PPP4R4: variants seen among roughly 807,000 people sequenced by gnomAD.
The protein encoded by PPP4R4 is serine/threonine-protein phosphatase 4 regulatory subunit 4.
In PPP4R4, 70 loss-of-function variants were observed where a neutral mutation model predicts 121.8. The ratio of observed to expected loss-of-function variants is 0.57; its 90% confidence interval spans 0.47 to 0.70. The LOEUF (loss-of-function observed/expected upper bound fraction) is 0.70. PPP4R4 is among the 30% of genes least tolerant of loss of function. The pLI is 0.00. For synonymous variants in PPP4R4, 348 were observed against 355.7 expected (o/e 0.98, Z 0.24); for missense variants, 875 against 1,033.6 (o/e 0.85, Z 2.10).
At position 94,249,078 on chromosome 14, in the gene PPP4R4, A is replaced by G. The variant is rs891572203; in HGVS notation, c.1612-1094A>G. Among the ~76,000 whole-genome samples, 4 of 151,986 alleles carry G rather than the reference A, an allele frequency of 2.6e-5. No homozygotes were observed. In the South Asian group the frequency reaches 6.2e-4, roughly 24 times the overall value. On this transcript the variant is annotated intron_variant, in intron 14 of 24. Coordinates refer to ENST00000304338, the MANE Select transcript of PPP4R4 (RefSeq NM_058237.2). ...AATACCTTATGCCATAAACTATAAT[A>G]TATATTTTATATGAGGTACAAAATA...
intron 23 of PPP4R4, among the ~76,000 whole-genome samples, chr14:94,270,385 T>C (rs190203606): frequency 6.6e-6 from 1 of 152,338 alleles, no homozygotes; most frequent in Admixed American, 6.5e-5. Context: ...AAGCTGATTC[T>C]AAAAATCTGT....
rs1169388324 is a variant in PPP4R4 at position 94,175,850 on chromosome 14, TC to T, written c.118-200del. 5 of 571,138 alleles carry T rather than the reference TC, an allele frequency of 8.8e-6. No individual in the cohort carries two copies. The African/African-American group carries it at 9.3e-5, about 11-fold the overall frequency. The allele number at this position is 571,138 out of a possible 1,614,324, so 35.4% of individuals were successfully genotyped here. On this transcript the variant is annotated intron_variant, in intron 1 of 24. Coordinates refer to ENST00000304338, the MANE Select transcript of PPP4R4 (RefSeq NM_058237.2). ...ATAAAAACAGAAAAATACAGCCCCC[TC>T]CCCAAACTCCCCAAACCACCCAATT...
At chr14:94,222,575 C>CTTTT (rs71129676) in intron 3 of PPP4R4, among the ~76,000 whole-genome samples, 2 of 145,440 alleles carry the variant, frequency 1.4e-5, no homozygotes, top group Non-Finnish European at 3.0e-5. Context: ...CATTTGGAAT[C>CTTTT]TTTTTTTTTT....
chr14:94,181,110 G>T (rs1888960619), intron 2 of PPP4R4, among the ~76,000 whole-genome samples: 1 of 152,084 alleles, frequency 6.6e-6, no homozygotes, highest in Admixed American at 6.6e-5. Context: ...AAACTCCTTT[G>T]AATGCCCTCC....
chr14:94,264,166 T>C (rs1193041418), intron 19 of PPP4R4, among the ~76,000 whole-genome samples: 2 of 152,198 alleles, frequency 1.3e-5, no homozygotes, highest in Admixed American at 6.5e-5. Context: ...TATGTATATT[T>C]GAGATGGAGT....
At chr14:94,241,653 CTTTTA>C in intron 9 of PPP4R4, 130 bp from the exon 10 acceptor site, 1 of 650,888 alleles carries the variant, frequency 1.5e-6, no homozygotes, top group East Asian at 3.0e-5. Context: ...TTTCATGTTC[CTTTTA>C]TTTATAAAGT....
At chr14:94,208,375 C>T (rs1271284) in intron 2 of PPP4R4, 89 bp from the exon 3 acceptor site, 1 of 880,688 alleles carries the variant, frequency 1.1e-6, no homozygotes, top group Non-Finnish European at 1.6e-6. Flanking sequence ...TCAAAGCAGT[C>T]ATTTTTCCAA....
At chr14:94,207,224 T>C (rs1890504457) in intron 2 of PPP4R4, among the ~76,000 whole-genome samples, 1 of 152,062 alleles carries the variant, frequency 6.6e-6, no homozygotes, top group Non-Finnish European at 1.5e-5. Context: ...AGTATTTTTC[T>C]GTGCAACTTT....
intron 2 of PPP4R4, among the ~76,000 whole-genome samples, chr14:94,182,745 C>G (rs555240345): frequency 6.6e-6 from 1 of 152,214 alleles, no homozygotes; most frequent in East Asian, 1.9e-4. Flanking sequence ...ATGTACAAGT[C>G]TCTTGGTGAA....
chr14:94,241,638 A>T, intron 9 of PPP4R4, 150 bp from the exon 10 acceptor site: 2 of 584,988 alleles, frequency 3.4e-6, no homozygotes, highest in East Asian at 3.1e-5. Flanking sequence ...CCTAACAGAT[A>T]CTCTTTTCAT....
chr14:94,187,576 A>T (rs531457402), intron 2 of PPP4R4, among the ~76,000 whole-genome samples: 146 of 152,196 alleles, frequency 9.6e-4, no homozygotes, highest in Middle Eastern at 3.4e-3. Flanking sequence ...ATTAACATTG[A>T]TACATCACTC....
chr14:94,227,160 C>G, intron 3 of PPP4R4: 1 of 725,462 alleles, frequency 1.4e-6, no homozygotes, highest in Non-Finnish European at 2.2e-6. Context: ...CTCTTAATGT[C>G]TCATTTCATT....
At chr14:94,179,397 G>T (rs926649448) in intron 2 of PPP4R4, among the ~76,000 whole-genome samples, 1 of 152,202 alleles carries the variant, frequency 6.6e-6, no homozygotes, top group Non-Finnish European at 1.5e-5. Flanking sequence ...GCAGCTATCA[G>T]TAGTTTATTC....
chr14:94,208,558 A>G lies in PPP4R4; in HGVS notation c.286A>G (p.Lys96Glu). Residue 96 changes from lysine (K) to glutamate (E), a missense_variant, in exon 3 of 25, where the codon AAA becomes GAA. Physicochemically the swap from Lys to Glu is moderately conservative, Grantham distance 56. Transcript: ENST00000304338. ...PTETLRRVLPKVREALHVAGV... is the reference protein window; with the variant it reads ...PTETLRRVLPEVREALHVAGV... The stretch of plus-strand genomic sequence containing the variant: ...TGAGACGCTTCGGAGAGTGTTGCCA[A>G]AAGTCAGAGTAAGTTGGTATGAAAT... The G allele has an allele frequency of 6.2e-7, 1 of 1,603,734 alleles. No individual in the cohort carries two copies.
intron 23 of PPP4R4, among the ~76,000 whole-genome samples, chr14:94,271,232 AC>A (rs1566706885): frequency 1.3e-5 from 2 of 152,220 alleles, no homozygotes; most frequent in African/African-American, 4.8e-5. Flanking sequence ...ATACATACCA[AC>A]ATCTCTCAAG....
chr14:94,212,426 A>G (rs1418196301), intron 3 of PPP4R4, among the ~76,000 whole-genome samples: 1 of 152,164 alleles, frequency 6.6e-6, no homozygotes, highest in Non-Finnish European at 1.5e-5. Flanking sequence ...AAGCCAATCC[A>G]TAGTATTTCC....
chr14:94,257,146 G>A (rs888401128), intron 17 of PPP4R4, among the ~76,000 whole-genome samples: 7 of 152,046 alleles, frequency 4.6e-5, no homozygotes, highest in African/African-American at 1.7e-4. Context: ...TGTAAATAAT[G>A]TAACATTGTA....
At chr14:94,251,410 C>T (rs770156838) in intron 15 of PPP4R4, among the ~76,000 whole-genome samples, 3 of 151,910 alleles carry the variant, frequency 2.0e-5, no homozygotes, top group Non-Finnish European at 4.4e-5. Context: ...TATGTGCATC[C>T]CTTGGGCTGC....
intron 8 of PPP4R4, among the ~76,000 whole-genome samples, chr14:94,238,671 T>G (rs1892471154): frequency 2.0e-5 from 3 of 152,216 alleles, no homozygotes; most frequent in Non-Finnish European, 4.4e-5. Flanking sequence ...ACATTAACTA[T>G]TTTGATAAAG....
Sources: gnomAD v4.1 joint callset for allele counts (sites outside exome capture counted in the v4.1 genomes callset) on GRCh38, gnomAD v4.1.1 for gene constraint, MANE v1.5 for transcripts, NCBI Gene and HGNC (gene_info 2026-07-23, HGNC 2026-07-21) for gene names.